Variants in CSMD1 observed in about 807,000 individuals in gnomAD.
CSMD1 encodes CUB and sushi domain-containing protein 1.
CSMD1 carries 213 observed loss-of-function variants against 417.5 expected under a neutral mutation model. The ratio of observed to expected loss-of-function variants is 0.51; its 90% CI spans 0.46 to 0.57. The LOEUF is 0.57. Ranked by LOEUF, CSMD1 falls within the 20% of genes least tolerant of loss-of-function variation. The probability of loss-of-function intolerance (pLI) is 0.00; values close to 1 mark genes in which losing one functional copy is unlikely to be tolerated. For missense variants in CSMD1, 6,923 were observed against 4,529.7 expected, an observed-to-expected ratio of 1.53 and a Z score of -15.17; for synonymous variants, 2,862 against 1,736.8, an observed-to-expected ratio of 1.65 and a Z score of -16.11.
At chr8:4,508,983 T>C (rs2130330045) in intron 2 of CSMD1, among the ~76,000 whole-genome samples, 1 of 152,130 alleles carries the variant, frequency 6.6e-6, no homozygotes, top group Non-Finnish European at 1.5e-5. Flanking sequence ...GGCTGTGACA[T>C]GGATGTGAAG....
intron 61 of CSMD1, 84 bp from the exon 62 acceptor site, chr8:2,961,298 T>C (rs527367993): frequency 1.4e-6 from 1 of 709,410 alleles, no homozygotes; most frequent in Non-Finnish European, 2.3e-6. Context: ...AAAGGTCTCA[T>C]GAAATAGAGA....
chr8:4,850,924 G>A (rs1162987468), intron 1 of CSMD1, among the ~76,000 whole-genome samples: 1 of 142,900 alleles, frequency 7.0e-6, no homozygotes, highest in Non-Finnish European at 1.5e-5. Context: ...ACTTTTTGTG[G>A]TTATTTTTTT....
chr8:4,958,888 C>T (rs919562427), intron 1 of CSMD1, among the ~76,000 whole-genome samples: 1 of 152,118 alleles, frequency 6.6e-6, no homozygotes, highest in Non-Finnish European at 1.5e-5. Context: ...CTTCTCATTC[C>T]TTCAACAAAG....
chr8:4,766,994 C>G (rs1426351896), intron 1 of CSMD1, among the ~76,000 whole-genome samples: 5 of 152,154 alleles, frequency 3.3e-5, no homozygotes, highest in South Asian at 4.1e-4. Flanking sequence ...TATTTCTTAG[C>G]TCTTGTCTTC....
At chr8:3,243,543 C>G (rs1294659349) in intron 26 of CSMD1, among the ~76,000 whole-genome samples, 2 of 151,718 alleles carry the variant, frequency 1.3e-5, no homozygotes, top group Non-Finnish European at 2.9e-5. Context: ...CCAGGATGAG[C>G]CAGGAGAAGG....
intron 26 of CSMD1, among the ~76,000 whole-genome samples, chr8:3,244,472 C>G (rs1264840300): frequency 6.6e-6 from 1 of 152,150 alleles, no homozygotes; most frequent in Non-Finnish European, 1.5e-5. Context: ...CATAAGCAGT[C>G]TTTCCAGGAA....
chr8:4,396,664 TAC>T (rs1393520991), intron 3 of CSMD1, among the ~76,000 whole-genome samples: 2 of 151,152 alleles, frequency 1.3e-5, no homozygotes, highest in South Asian at 2.1e-4. Flanking sequence ...TATCTCCCCA[TAC>T]ACACACACAC....
intron 24 of CSMD1, among the ~76,000 whole-genome samples, 190 bp downstream of exon 24, chr8:3,308,122 C>G (rs1480213933): frequency 6.6e-6 from 1 of 151,950 alleles, no homozygotes; most frequent in Non-Finnish European, 1.5e-5. Flanking sequence ...TAACAGAATA[C>G]TAGAAAAACT....
intron 1 of CSMD1, among the ~76,000 whole-genome samples, chr8:4,972,277 T>C (rs1563906203): frequency 6.6e-6 from 1 of 152,002 alleles, no homozygotes; most frequent in Non-Finnish European, 1.5e-5. Context: ...TTTTGCTCTG[T>C]CACCACCAAA....
At chr8:4,695,934 C>G (rs1015251512) in intron 1 of CSMD1, among the ~76,000 whole-genome samples, 1 of 152,152 alleles carries the variant, frequency 6.6e-6, no homozygotes, top group Non-Finnish European at 1.5e-5. Flanking sequence ...ACCATAGGAT[C>G]TACATGAAAG....
intron 2 of CSMD1, among the ~76,000 whole-genome samples, chr8:4,500,578 C>T (rs1207605269): frequency 2.6e-5 from 4 of 151,978 alleles, no homozygotes; most frequent in East Asian, 3.9e-4. Flanking sequence ...AAAAGAAGAA[C>T]AGGATAGCTG....
intron 4 of CSMD1, among the ~76,000 whole-genome samples, chr8:4,031,057 C>G (rs760171660): frequency 6.6e-6 from 1 of 152,184 alleles, no homozygotes; most frequent in Non-Finnish European, 1.5e-5. Flanking sequence ...TTGGTCAAAG[C>G]TATTCAACAA....
intron 8 of CSMD1, among the ~76,000 whole-genome samples, chr8:3,600,015 C>T (rs1801285748): frequency 6.6e-6 from 1 of 152,160 alleles, no homozygotes; most frequent in African/African-American, 2.4e-5. Flanking sequence ...GGAAAATGAC[C>T]ACCACAAGAG....
At chr8:3,225,488 C>G (rs1488859130) in intron 27 of CSMD1, among the ~76,000 whole-genome samples, 1 of 151,846 alleles carries the variant, frequency 6.6e-6, no homozygotes, top group Non-Finnish European at 1.5e-5. Flanking sequence ...GGGCTGCTGA[C>G]AGCATCGAGC....
intron 5 of CSMD1, among the ~76,000 whole-genome samples, chr8:3,966,293 C>G (rs1812674923): frequency 6.6e-6 from 1 of 152,110 alleles, no homozygotes; most frequent in Non-Finnish European, 1.5e-5. Flanking sequence ...GGGGCTTGGA[C>G]AGTAACTGAT....
chr8:4,097,703 A>C (rs942645054), intron 3 of CSMD1, among the ~76,000 whole-genome samples: 1 of 152,238 alleles, frequency 6.6e-6, no homozygotes, highest in Non-Finnish European at 1.5e-5. Context: ...GGAATTCAGA[A>C]AGAACATTCA....
intron 3 of CSMD1, among the ~76,000 whole-genome samples, chr8:4,175,581 T>G (rs1055898409): frequency 1.3e-5 from 2 of 152,054 alleles, no homozygotes; most frequent in Admixed American, 1.3e-4. Flanking sequence ...AAAGGTATAT[T>G]AGGAGAGTAA....
At chr8:3,028,914 T>C (rs1810136275) in intron 51 of CSMD1, among the ~76,000 whole-genome samples, 1 of 152,192 alleles carries the variant, frequency 6.6e-6, no homozygotes, top group South Asian at 2.1e-4. Flanking sequence ...AATAATCATC[T>C]CCCTTGTGAA....
chr8:4,973,746 T>G (rs1227957889), intron 1 of CSMD1, among the ~76,000 whole-genome samples: 1 of 152,192 alleles, frequency 6.6e-6, no homozygotes, highest in Non-Finnish European at 1.5e-5. Flanking sequence ...TGCATTTATT[T>G]ATTTTTTATT....
Sources: allele counts gnomAD v4.1 joint callset (sites outside exome capture counted in the v4.1 genomes callset), GRCh38; gene constraint gnomAD v4.1.1; transcripts MANE v1.5; gene names NCBI Gene and HGNC (gene_info 2026-07-23, HGNC 2026-07-21).